MAK16: variants seen among roughly 807,000 people sequenced by gnomAD.
MAK16 encodes protein MAK16 homolog.
A neutral mutation model predicts 49.9 loss-of-function variants in MAK16; 12 were observed. That is an observed-to-expected ratio of 0.24 (90% CI 0.15 to 0.39). The LOEUF (loss-of-function observed/expected upper bound fraction) is 0.39, where lower values mean the gene tolerates loss of function less well. Among genes scored for constraint, MAK16 ranks in the 10% least tolerant of loss-of-function variants. The pLI, the probability that MAK16 is intolerant of heterozygous loss-of-function variation, is 1.00. For missense variants in MAK16, 292 were observed against 363.7 expected (o/e 0.80, Z 1.60); for synonymous variants, 115 against 126.4 (o/e 0.91, Z 0.60).
In MAK16 at chr8:33,500,219, TG is replaced by T. The variant is rs1809016148; in HGVS notation, c.*1591del. ...TCATATGGAGATCTAAAACCCTCCA[TG>T]TTCATTTCCAGACTTGGTCAGGCAC... is the stretch of plus-strand genomic sequence containing the variant. On this transcript the variant is annotated 3_prime_UTR_variant, in exon 10 of 10. Transcript: ENST00000360128. 7.7e-7 allele frequency: 1 copy of T among 1,303,560 alleles called. No homozygotes were observed. Among genetic ancestry groups the T allele is most frequent in the Admixed American group, 1.9e-5 (1 of 52,350 alleles). The allele number at this position is 1,303,560 out of a possible 1,614,324, so 80.7% of individuals were successfully genotyped here. A position where few individuals can be genotyped will look rare whatever the true frequency, so the allele number is the denominator to read the frequency against.
chr8:33,494,727 ATAC>A (rs1321464527), intron 6 of MAK16, among the ~76,000 whole-genome samples: 1 of 152,190 alleles, frequency 6.6e-6, no homozygotes, highest in Non-Finnish European at 1.5e-5. Context: ...ACTTCAGCGG[ATAC>A]CCTTGAAGTG....
chr8:33,496,902 A>T (rs1455995160), intron 8 of MAK16, among the ~76,000 whole-genome samples, 161 bp downstream of exon 8: 10 of 152,350 alleles, frequency 6.6e-5, no homozygotes, highest in Non-Finnish European at 2.9e-5. Context: ...TCTTCAGGCT[A>T]ACCAACAAAC....
rs80251052 is a variant in MAK16, at chr8:33,495,531, C to T, written c.448-11C>T. Reference sequence around the variant, plus strand: ...GATGAATTAAACAGATTTGCTCTTTCCCCCTTATAGGAAAAGGCATTAATA... The same window carrying T: ...GATGAATTAAACAGATTTGCTCTTTTCCCCTTATAGGAAAAGGCATTAATA... On this transcript the variant is annotated splice_polypyrimidine_tract_variant and intron_variant, in intron 6 of 9. Transcript: ENST00000360128. The T allele has an allele frequency of 8.7e-6, 14 of 1,610,310 alleles. No individual in the cohort carries two copies. The highest frequency in any genetic ancestry group is 1.1e-5 in the Non-Finnish European group (13 of 1,177,872).
rs1808981613 is a variant in MAK16 at position 33,499,435 on chromosome 8, T to C, written c.*806T>C. The C allele has an allele frequency of 2.0e-5, 12 of 611,172 alleles. No individual in the cohort carries two copies. The East Asian group carries it at 3.5e-4, about 18-fold the overall frequency. The allele number at this position is 611,172 out of a possible 1,614,324, so 37.9% of individuals were successfully genotyped here. A position where few individuals can be genotyped will look rare whatever the true frequency, so the allele number is the denominator to read the frequency against. ...GCAGAATAGGTATTAGTTGGTTTTT[T>C]ATTATTTTTAAATTTATATAGCTCT... On this transcript the variant is annotated 3_prime_UTR_variant, in exon 10 of 10. Coordinates refer to ENST00000360128, the MANE Select transcript of MAK16 (RefSeq NM_032509.4).
intron 6 of MAK16, 39 bp from the exon 7 acceptor site, chr8:33,495,503 A>G (rs774981586): frequency 1.3e-6 from 2 of 1,520,804 alleles, no homozygotes; most frequent in South Asian, 2.3e-5. Context: ...AGTAATGAGC[A>G]CTGATGAATT....
intron 1 of MAK16, 146 bp downstream of exon 1, chr8:33,485,367 T>C (rs1439002973): frequency 5.6e-6 from 6 of 1,077,384 alleles, no homozygotes; most frequent in Non-Finnish European, 8.4e-6. Flanking sequence ...TTTTCCAACA[T>C]AGGTTCTCAC....
At chr8:33,497,702 C>A (rs954064771) in intron 9 of MAK16, among the ~76,000 whole-genome samples, 2 of 150,422 alleles carry the variant, frequency 1.3e-5, no homozygotes, top group African/African-American at 4.9e-5. Flanking sequence ...CCATGTTGGC[C>A]AGGCTGGTCT....
At position 33,489,256 on chromosome 8, in the gene MAK16, T is replaced by G. The variant is rs1409392147; in HGVS notation, c.392+117T>G. ...TTCAACTTTGTGGAGTCTGTTATGA[T>G]GTACTAAAGAGAAACTTTAGCTTTG... is the stretch of plus-strand genomic sequence containing the variant. On this transcript the variant is annotated intron_variant, in intron 5 of 9. Coordinates refer to ENST00000360128, the MANE Select transcript of MAK16 (RefSeq NM_032509.4). The surrounding 1 kb of genome is among the most constrained non-coding windows in gnomAD (Gnocchi z 4.2). 1.1e-6 allele frequency: 1 copy of G among 876,906 alleles called. No individual in the cohort carries two copies. The highest frequency in any genetic ancestry group is 1.7e-5 in the African/African-American group (1 of 59,090). The allele number at this position is 876,906 out of a possible 1,614,324, so 54.3% of individuals were successfully genotyped here.
chr8:33,487,207 AC>A (rs1808702732), intron 1 of MAK16, among the ~76,000 whole-genome samples: 1 of 152,166 alleles, frequency 6.6e-6, no homozygotes, highest in Admixed American at 6.6e-5. Flanking sequence ...AACTAGATAG[AC>A]GAAACTCTTT....
intron 6 of MAK16, among the ~76,000 whole-genome samples, chr8:33,494,129 A>C (rs892967623): frequency 1.3e-5 from 2 of 152,202 alleles, no homozygotes; most frequent in African/African-American, 4.8e-5. Flanking sequence ...GCTGGAGTGC[A>C]GTGGCGCCAT....
At position 33,499,841 on chromosome 8, in the gene MAK16, T is replaced by G. The variant is rs920955249; in HGVS notation, c.*1212T>G. 2 of 157,194 alleles carry G rather than the reference T, an allele frequency of 1.3e-5. No homozygotes were observed. The highest frequency in any genetic ancestry group is 4.8e-5 in the African/African-American group (2 of 41,438). The allele number at this position is 157,194 out of a possible 1,614,324, so 9.7% of individuals were successfully genotyped here. ...TGCTGTGGCTTTGAGAAGTTAACTT[T>G]TGTGGAATATGAAACCAAAGGAAGA... On this transcript the variant is annotated 3_prime_UTR_variant, in exon 10 of 10. Transcript: ENST00000360128.
At chr8:33,497,378 AC>A in intron 9 of MAK16, 81 bp downstream of exon 9, 1 of 1,055,874 alleles carries the variant, frequency 9.5e-7, no homozygotes, top group Non-Finnish European at 1.4e-6. Context: ...GTGGCCAGGC[AC>A]CGTGGTTCAC....
chr8:33,500,453 A>C lies in MAK16; in HGVS notation c.*1824A>C, dbSNP rs1229375923. The stretch of plus-strand genomic sequence containing the variant: ...CTTGCTACATCACAAATCAGTTTCA[A>C]GAGGGCCTTCAGTAAGACCACAAGT... On this transcript the variant is annotated 3_prime_UTR_variant, in exon 10 of 10. Coordinates refer to ENST00000360128, the MANE Select transcript of MAK16 (RefSeq NM_032509.4). The C allele has an allele frequency of 3.1e-6, 5 of 1,614,168 alleles. No individual in the cohort carries two copies. Among genetic ancestry groups the C allele is most frequent in the Non-Finnish European group, 4.2e-6 (5 of 1,180,032 alleles).
At position 33,498,625 on chromosome 8, in the gene MAK16, C is replaced by G; in HGVS notation, c.899C>G (p.Thr300Arg). Reference sequence around the variant, plus strand: ...GAGCCCGTGGCCAAAGCCAAAACCACGTGATTTCCCTTTCAGCATTTATAC... The same window carrying G: ...GAGCCCGTGGCCAAAGCCAAAACCAGGTGATTTCCCTTTCAGCATTTATAC... Reference protein sequence around the residue: ...ETEPVAKAKTT With the variant: ...ETEPVAKAKTR The change falls in exon 10 of 10, where the codon ACG (threonine) becomes AGG (arginine). Residue 300 changes from threonine to arginine, a missense_variant. By Grantham distance (71) the Thr-to-Arg change is moderately conservative. Coordinates refer to ENST00000360128, the MANE Select transcript of MAK16 (RefSeq NM_032509.4). 6.2e-7 allele frequency: 1 copy of G among 1,611,990 alleles called. No homozygotes were observed. The highest frequency in any genetic ancestry group is 1.7e-4 in the Middle Eastern group (1 of 5,778).
rs751995920 is a variant in MAK16, at chr8:33,498,651, C to T, written c.*22C>T. On this transcript the variant is annotated 3_prime_UTR_variant, in exon 10 of 10. Coordinates refer to ENST00000360128, the MANE Select transcript of MAK16 (RefSeq NM_032509.4). ...GTGATTTCCCTTTCAGCATTTATAC[C>T]CAGGACTGAACATGCAGAACTGTTT... 7.5e-6 allele frequency: 12 copies of T among 1,594,976 alleles called. No individual in the cohort carries two copies. In the South Asian group the frequency reaches 7.8e-5, roughly 10 times the overall value.
intron 9 of MAK16, among the ~76,000 whole-genome samples, 160 bp from the exon 10 acceptor site, chr8:33,498,271 CA>C (rs35740010): frequency 3.3e-3 from 285 of 85,748 alleles, no homozygotes; most frequent in South Asian, 0.01. Flanking sequence ...GACCCCGTCT[CA>C]AAAAAAAAAA....
chr8:33,495,658 G>A, intron 7 of MAK16, 42 bp downstream of exon 7: 4 of 1,123,134 alleles, frequency 3.6e-6, no homozygotes, highest in Non-Finnish European at 5.1e-6. Context: ...ATTTTAAGTG[G>A]TAGTATGTTG....
At chr8:33,497,498 A>T (rs921288102) in intron 9 of MAK16, among the ~76,000 whole-genome samples, 1 of 151,764 alleles carries the variant, frequency 6.6e-6, no homozygotes, top group Non-Finnish European at 1.5e-5. Context: ...ATAAAAAAAA[A>T]AATTTTTTTT....
At position 33,500,216 on chromosome 8, in the gene MAK16, C is replaced by T; in HGVS notation, c.*1587C>T. On this transcript the variant is annotated 3_prime_UTR_variant, in exon 10 of 10. Coordinates refer to ENST00000360128, the MANE Select transcript of MAK16 (RefSeq NM_032509.4). Reference sequence around the variant, plus strand: ...GGCTCATATGGAGATCTAAAACCCTCCATGTTCATTTCCAGACTTGGTCAG... The same window carrying T: ...GGCTCATATGGAGATCTAAAACCCTTCATGTTCATTTCCAGACTTGGTCAG... 1 of 1,271,394 alleles carries T rather than the reference C, an allele frequency of 7.9e-7. No homozygotes were observed. Among genetic ancestry groups the T allele is most frequent in the Non-Finnish European group, 1.1e-6 (1 of 895,724 alleles). The allele number at this position is 1,271,394 out of a possible 1,614,324, so 78.8% of individuals were successfully genotyped here. A position where few individuals can be genotyped will look rare whatever the true frequency, so the allele number is the denominator to read the frequency against.
Sources: allele counts gnomAD v4.1 joint callset (sites outside exome capture counted in the v4.1 genomes callset), GRCh38; gene constraint gnomAD v4.1.1; non-coding constraint Gnocchi (gnomAD v3.1); transcripts MANE v1.5; gene names NCBI Gene and HGNC (gene_info 2026-07-23, HGNC 2026-07-21).